The following CPNE4 variants were observed in gnomAD, a reference collection of about 807,000 sequenced individuals.
CPNE4 encodes copine-4.
In CPNE4, 25 loss-of-function variants were observed where a neutral mutation model predicts 67.9. The observed-to-expected ratio is 0.37, with a 90% CI of 0.27 to 0.51. The LOEUF (loss-of-function observed/expected upper bound fraction) is 0.51. Ranked by LOEUF, CPNE4 falls within the 20% of genes least tolerant of loss-of-function variation. The pLI is 0.93. For synonymous variants in CPNE4, 242 were observed against 244.9 expected, an observed-to-expected ratio of 0.99 and a Z score of 0.11; for missense variants, 464 against 690.8, an observed-to-expected ratio of 0.67 and a Z score of 3.68.
intron 10 of CPNE4, among the ~76,000 whole-genome samples, chr3:131,573,723 T>C (rs1170449819): frequency 1.3e-5 from 2 of 152,138 alleles, no homozygotes; most frequent in Non-Finnish European, 2.9e-5. Context: ...CATATGGGTA[T>C]GCTCAGAGCA....
Position 131,717,873 on chromosome 3 carries a change from CTTT to C in CPNE4, c.360+5570_360+5572del, listed in dbSNP as rs1242754835. Among the ~76,000 whole-genome samples, 393 of 51,358 alleles carry C rather than the reference CTTT, an allele frequency of 7.7e-3. 35 individuals are homozygous for C. Among genetic ancestry groups the C allele is most frequent in the South Asian group, 0.041 (62 of 1,498 alleles). The allele number at this position is 51,358 out of a possible 152,430, so 33.7% of individuals were successfully genotyped here. A position where few individuals can be genotyped will look rare whatever the true frequency, so the allele number is the denominator to read the frequency against. ...TCCTCGCTCCCTCCTTTCTTTCTTT[CTTT>C]TCTTTCTTTCTTTCTTTCTTTCTTT... On this transcript the variant is annotated intron_variant, in intron 3 of 15. Transcript: ENST00000429747.
intron 3 of CPNE4, among the ~76,000 whole-genome samples, chr3:131,709,431 C>A (rs60326703): frequency 6.6e-6 from 1 of 152,076 alleles, no homozygotes; most frequent in Non-Finnish European, 1.5e-5. Flanking sequence ...ATCTGGTGAA[C>A]GTGGGGACCC....
chr3:131,565,806 A>C, intron 10 of CPNE4, among the ~76,000 whole-genome samples: 1 of 146,236 alleles, frequency 6.8e-6, no homozygotes, highest in East Asian at 2.0e-4. Context: ...AAATGCTAGT[A>C]CTAAGAGTAT....
At chr3:131,591,174 G>C (rs538339571) in intron 7 of CPNE4, among the ~76,000 whole-genome samples, 2 of 152,300 alleles carry the variant, frequency 1.3e-5, no homozygotes, top group African/African-American at 2.4e-5. Context: ...ATAGAAAGAG[G>C]AAGAAGAGTG....
At chr3:131,994,748 C>T (rs1398786162) in intron 1 of CPNE4, among the ~76,000 whole-genome samples, 1 of 152,198 alleles carries the variant, frequency 6.6e-6, no homozygotes, top group Admixed American at 6.5e-5. Context: ...GTAGCATATA[C>T]ACTGGGGAGA....
At chr3:131,739,545 T>C (rs951289617) in intron 2 of CPNE4, among the ~76,000 whole-genome samples, 4 of 152,226 alleles carry the variant, frequency 2.6e-5, no homozygotes, top group Non-Finnish European at 5.9e-5. Context: ...AAACAAATCC[T>C]GGGTAACCTT....
At chr3:131,968,289 T>C (rs965101072) in intron 1 of CPNE4, among the ~76,000 whole-genome samples, 10 of 152,164 alleles carry the variant, frequency 6.6e-5, no homozygotes, top group Admixed American at 2.0e-4. Context: ...ATTCAAGACA[T>C]AGGCATGGGC....
chr3:131,851,606 C>T lies in CPNE4; in HGVS notation c.180+53658G>A, dbSNP rs182742820. ...ACTTCAAAGAAGTTGGTGATGATAG[C>T]GATGGAGAACAGGTTTTCCTTGTGC... is the stretch of plus-strand genomic sequence containing the variant. On this transcript the variant is annotated intron_variant, in intron 2 of 15. Transcript: ENST00000429747. Among the ~76,000 whole-genome samples the T allele has an allele frequency of 4.4e-4, 67 of 152,120 alleles. 1 individual carries two copies. Among genetic ancestry groups the T allele is most frequent in the African/African-American group, 1.6e-3 (67 of 41,508 alleles).
chr3:131,873,197 CTT>C (rs768811392), intron 2 of CPNE4, among the ~76,000 whole-genome samples: 2 of 152,180 alleles, frequency 1.3e-5, no homozygotes, highest in Admixed American at 6.5e-5. Context: ...AACCTTTTCT[CTT>C]TGTTTTCCCA....
At chr3:131,867,722 A>C (rs1219934401) in intron 2 of CPNE4, among the ~76,000 whole-genome samples, 7 of 152,200 alleles carry the variant, frequency 4.6e-5, no homozygotes, top group African/African-American at 1.7e-4. Flanking sequence ...AAGGGTGCTG[A>C]GTTTTAATTC....
intron 2 of CPNE4, among the ~76,000 whole-genome samples, chr3:131,887,322 G>A (rs2087935793): frequency 1.3e-5 from 2 of 152,172 alleles, no homozygotes; most frequent in Non-Finnish European, 2.9e-5. Context: ...ATGATTGTGA[G>A]GCTTCCCCAG....
chr3:131,694,193 A>C (rs2081096472), intron 5 of CPNE4, among the ~76,000 whole-genome samples: 1 of 152,192 alleles, frequency 6.6e-6, no homozygotes, highest in South Asian at 2.1e-4. Context: ...ATTCATTAAC[A>C]TAATAAAAAA....
At chr3:131,828,590 T>C (rs950920976) in intron 2 of CPNE4, among the ~76,000 whole-genome samples, 1 of 152,254 alleles carries the variant, frequency 6.6e-6, no homozygotes, top group African/African-American at 2.4e-5. Flanking sequence ...AAAGTTGCTC[T>C]GAACAATGTT....
chr3:132,028,260 G>T (rs6787369), intron 1 of CPNE4, among the ~76,000 whole-genome samples: 1 of 151,926 alleles, frequency 6.6e-6, no homozygotes, highest in Non-Finnish European at 1.5e-5. Flanking sequence ...AGTATAACAG[G>T]ACTTGTAAAG....
At chr3:131,818,140 G>A (rs1275392477) in intron 2 of CPNE4, among the ~76,000 whole-genome samples, 1 of 152,180 alleles carries the variant, frequency 6.6e-6, no homozygotes, top group Non-Finnish European at 1.5e-5. Flanking sequence ...TACTGTCAGT[G>A]TCAAGAAATT....
At chr3:131,937,035 G>C (rs1560632239) in intron 1 of CPNE4, among the ~76,000 whole-genome samples, 1 of 151,826 alleles carries the variant, frequency 6.6e-6, no homozygotes, top group Non-Finnish European at 1.5e-5. Context: ...AAAAATATGA[G>C]AAAAGCAAAG....
intron 7 of CPNE4, among the ~76,000 whole-genome samples, chr3:131,636,852 T>C (rs984810369): frequency 2.0e-5 from 3 of 152,128 alleles, no homozygotes; most frequent in East Asian, 1.9e-4. Context: ...TGAAGATGAA[T>C]CACATCACAG....
intron 10 of CPNE4, among the ~76,000 whole-genome samples, chr3:131,566,066 C>T (rs1937042146): frequency 6.6e-6 from 1 of 151,880 alleles, no homozygotes; most frequent in African/African-American, 2.4e-5. Flanking sequence ...TGGTTCCTTT[C>T]TACCTTTTTC....
At chr3:131,552,644 C>T (rs542089298) in intron 12 of CPNE4, among the ~76,000 whole-genome samples, 153 bp from the exon 13 acceptor site, 31 of 151,980 alleles carry the variant, frequency 2.0e-4, no homozygotes, top group Non-Finnish European at 4.4e-4. Flanking sequence ...TTTACACAAT[C>T]AATATGAGAT....
Sources: allele counts gnomAD v4.1 joint callset (sites outside exome capture counted in the v4.1 genomes callset), GRCh38; gene constraint gnomAD v4.1.1; transcripts MANE v1.5; gene names NCBI Gene and HGNC (gene_info 2026-07-23, HGNC 2026-07-21).